The following CASP5 variants were observed in gnomAD, a reference collection of about 807,000 sequenced individuals.
CASP5 encodes the protein caspase-5.
Under a neutral mutation model 45.2 loss-of-function variants are expected in CASP5, and 42 were observed. The observed-to-expected ratio is 0.93, with a 90% CI of 0.73 to 1.20. The LOEUF (loss-of-function observed/expected upper bound fraction) is 1.20. Ranked by LOEUF, CASP5 falls within the 50% of genes most tolerant of loss-of-function variation. The pLI is 0.00. For missense variants in CASP5, 512 were observed against 532.2 expected (o/e 0.96, Z 0.37); for synonymous variants, 209 against 186.2 (o/e 1.12, Z -1.00).
intron 1 of CASP5, among the ~76,000 whole-genome samples, chr11:105,018,105 C>T (rs1350965714): frequency 2.6e-5 from 4 of 151,568 alleles, no homozygotes; most frequent in Non-Finnish European, 5.9e-5. Flanking sequence ...CAAGCAAATG[C>T]TGAGAGATTT....
intron 1 of CASP5, among the ~76,000 whole-genome samples, chr11:105,009,431 AT>A (rs1862162473): frequency 6.6e-6 from 1 of 151,662 alleles, no homozygotes; most frequent in Non-Finnish European, 1.5e-5. Context: ...ATATCTTTGA[AT>A]TTGTGTTTTT....
intron 1 of CASP5, among the ~76,000 whole-genome samples, chr11:105,014,451 T>C (rs897828523): frequency 3.3e-5 from 5 of 152,212 alleles, no homozygotes; most frequent in African/African-American, 1.2e-4. Flanking sequence ...TTAGATTTTA[T>C]GCTCTGTGAG....
At chr11:105,014,113 G>A (rs545391) in intron 1 of CASP5, among the ~76,000 whole-genome samples, 1 of 152,090 alleles carries the variant, frequency 6.6e-6, no homozygotes, top group East Asian at 1.9e-4. Flanking sequence ...ACCATGAAAC[G>A]TCTCAGCTTA....
intron 1 of CASP5, among the ~76,000 whole-genome samples, chr11:105,020,316 G>A (rs918424123): frequency 3.3e-5 from 5 of 152,014 alleles, no homozygotes; most frequent in Admixed American, 3.3e-4. Context: ...GGGCGATCAG[G>A]CAGGAGAAGA....
At chr11:105,019,175 T>C (rs1565394629) in intron 1 of CASP5, among the ~76,000 whole-genome samples, 2 of 151,120 alleles carry the variant, frequency 1.3e-5, no homozygotes, top group Non-Finnish European at 1.5e-5. Context: ...GGGAAATTTA[T>C]AGCACTAAAT....
chr11:104,995,996 C>A (rs1221425365), intron 8 of CASP5, among the ~76,000 whole-genome samples, 154 bp from the exon 9 acceptor site: 2 of 152,118 alleles, frequency 1.3e-5, no homozygotes, highest in African/African-American at 4.8e-5. Flanking sequence ...TGCTACTCTA[C>A]CTCTTAGAAT....
chr11:105,000,492 T>C lies in CASP5; in HGVS notation c.721A>G (p.Met241Val), dbSNP rs1248616412. The C allele has an allele frequency of 6.2e-7, 1 of 1,613,852 alleles. No homozygotes were observed. Among genetic ancestry groups the C allele is most frequent in the South Asian group, 1.1e-5 (1 of 91,078 alleles). The change falls in exon 6 of 10, where the codon ATG becomes GTG. Residue 241 changes from methionine to valine, a missense_variant. Coordinates refer to ENST00000260315, the MANE Select transcript of CASP5 (RefSeq NM_004347.5). ...GCAAATGCCCTCAGCACTGACTCCATATCCTATAAAAGAGCAATGTCTAAC... is the reference window on the plus strand; with the variant it reads ...GCAAATGCCCTCAGCACTGACTCCACATCCTATAAAAGAGCAATGTCTAAC... ...VDEKNLTARD[M>V]ESVLRAFAAR...
chr11:105,009,808 CACACACATATATATATACACATAT>C (rs1862219146), intron 1 of CASP5, among the ~76,000 whole-genome samples: 1 of 97,228 alleles, frequency 1.0e-5, no homozygotes, highest in African/African-American at 4.2e-5. Context: ...TATATATATA[CACACACATATATATATACACATAT>C]ATATATACAC....
At chr11:105,021,779 A>T (rs10895760) in intron 1 of CASP5, among the ~76,000 whole-genome samples, 37,121 of 149,322 alleles carry the variant, frequency 0.25, 4,909 homozygotes, top group Non-Finnish European at 0.28. Context: ...AGAACTAGAA[A>T]TACCATTTGA....
chr11:104,998,583 C>T (rs1415016416), intron 7 of CASP5, among the ~76,000 whole-genome samples: 2 of 152,106 alleles, frequency 1.3e-5, no homozygotes, highest in African/African-American at 4.8e-5. Flanking sequence ...AAACAGCATC[C>T]ATCATCTATG....
chr11:105,018,854 T>G (rs1379065405), intron 1 of CASP5, among the ~76,000 whole-genome samples: 49 of 144,450 alleles, frequency 3.4e-4, no homozygotes, highest in Non-Finnish European at 5.3e-4. Context: ...GAATATACAT[T>G]TTTTTCAGCA....
chr11:105,003,224 A>G lies in CASP5; in HGVS notation c.543+50T>C, dbSNP rs762582732. 1.1e-5 allele frequency: 13 copies of G among 1,133,304 alleles called. No homozygotes were observed. In the East Asian group the frequency reaches 2.4e-4, roughly 21 times the overall value. 70.2% of individuals were successfully genotyped at this position (1,133,304 alleles called of 1,614,324 possible). ...TTAAAAATGTGCATTGCATTTAATG[A>G]AAGCAATTGTTTCTCTCTTCTTCCC... On this transcript the variant is annotated intron_variant, in intron 4 of 9. Coordinates refer to ENST00000260315, the MANE Select transcript of CASP5 (RefSeq NM_004347.5).
At chr11:105,015,862 G>A (rs183415051) in intron 1 of CASP5, among the ~76,000 whole-genome samples, 13 of 152,154 alleles carry the variant, frequency 8.5e-5, no homozygotes, top group Admixed American at 4.6e-4. Context: ...TGGGAGAATC[G>A]AATAAAGAAA....
At chr11:105,000,719 A>G (rs1035499041) in intron 5 of CASP5, among the ~76,000 whole-genome samples, 28 of 151,626 alleles carry the variant, frequency 1.8e-4, no homozygotes, top group Non-Finnish European at 3.5e-4. Flanking sequence ...CTGACACACC[A>G]TACACTGTCT....
intron 1 of CASP5, among the ~76,000 whole-genome samples, chr11:105,015,772 A>G (rs987380170): frequency 6.6e-6 from 1 of 152,042 alleles, no homozygotes; most frequent in African/African-American, 2.4e-5. Context: ...AAAAATTTAA[A>G]AGCAAGCAAT....
chr11:105,022,242 A>G (rs1455249542), intron 1 of CASP5, among the ~76,000 whole-genome samples: 1 of 151,314 alleles, frequency 6.6e-6, no homozygotes, highest in Non-Finnish European at 1.5e-5. Flanking sequence ...GCCCACCAGC[A>G]TGTCACATGT....
At chr11:105,003,121 G>A (rs1244314746) in intron 4 of CASP5, among the ~76,000 whole-genome samples, 153 bp downstream of exon 4, 4 of 152,038 alleles carry the variant, frequency 2.6e-5, no homozygotes, top group African/African-American at 9.7e-5. Flanking sequence ...AATCTCTTGA[G>A]CCCATGTGTT....
At position 105,009,720 on chromosome 11, in the gene CASP5, C is replaced by CACAT. The variant is rs1376205553; in HGVS notation, c.8-741_8-740insATGT. 3.8e-3 allele frequency among the ~76,000 whole-genome samples: 244 copies of CACAT among 64,014 alleles called. 1 individual carries two copies. The highest frequency in any genetic ancestry group is 7.8e-3 in the East Asian group (19 of 2,450). 42.0% of individuals were successfully genotyped at this position (64,014 alleles called of 152,430 possible). A position where few individuals can be genotyped will look rare whatever the true frequency, so the allele number is the denominator to read the frequency against. ...TTACCAGGAGATATATATATACACA[C>CACAT]ATATATATATATATATATATATATA... On this transcript the variant is annotated intron_variant, in intron 1 of 9. Coordinates refer to ENST00000260315, the MANE Select transcript of CASP5 (RefSeq NM_004347.5).
intron 1 of CASP5, among the ~76,000 whole-genome samples, chr11:105,018,621 T>TTTAGGTGCACCCAATACAGGA (rs1862765071): frequency 7.3e-6 from 1 of 137,194 alleles, no homozygotes; most frequent in African/African-American, 2.6e-5. Flanking sequence ...TAAATATATA[T>TTTAGGTGCACCCAATACAGGA]GCACCCAATA....
Sources: allele counts gnomAD v4.1 joint callset (sites outside exome capture counted in the v4.1 genomes callset), GRCh38; gene constraint gnomAD v4.1.1; transcripts MANE v1.5; gene names NCBI Gene and HGNC (gene_info 2026-07-23, HGNC 2026-07-21).